KCNH5: variants seen among roughly 807,000 people sequenced by gnomAD.
KCNH5 encodes the protein potassium voltage-gated channel subfamily H member 5.
KCNH5 carries 46 observed loss-of-function variants against 96.1 expected under a neutral mutation model. The ratio of observed to expected loss-of-function variants is 0.48; its 90% CI spans 0.38 to 0.61. KCNH5 has a LOEUF of 0.61. Ranked by LOEUF, KCNH5 falls within the 20% of genes least tolerant of loss-of-function variation. KCNH5 has a pLI of 0.00. For synonymous variants in KCNH5, 439 were observed against 449.8 expected, an observed-to-expected ratio of 0.98 and a Z score of 0.30; for missense variants, 907 against 1,225.8, an observed-to-expected ratio of 0.74 and a Z score of 3.88.
chr14:62,768,453 G>C (rs1356200714), intron 10 of KCNH5, among the ~76,000 whole-genome samples: 1 of 152,066 alleles, frequency 6.6e-6, no homozygotes, highest in Non-Finnish European at 1.5e-5. Context: ...AATATTAATG[G>C]CTGAGAATTC....
In KCNH5 at chr14:62,707,524, T is replaced by C; in HGVS notation, c.2951A>G (p.Asp984Gly). 1 of 1,447,254 alleles carries C rather than the reference T, an allele frequency of 6.9e-7. No individual in the cohort carries two copies. The highest frequency in any genetic ancestry group is 9.1e-7 in the Non-Finnish European group (1 of 1,094,644). The allele number at this position is 1,447,254 out of a possible 1,614,324, so 89.7% of individuals were successfully genotyped here. The change falls in exon 11 of 11, where the codon GAT (aspartate) becomes GGT (glycine). Residue 984 changes from aspartate to glycine, a missense_variant. Around this residue, in one of 6 missense-constraint regions of KCNH5, gnomAD observed 362 missense variants for 394.4 expected, o/e 0.92. Coordinates refer to ENST00000322893, the MANE Select transcript of KCNH5 (RefSeq NM_139318.5). ...SRPESPESDK[D>G]EIHF The stretch of plus-strand genomic sequence containing the variant: ...GTATATATATTAAAAGTGGATTTCA[T>C]CTTTGTCAGATTCAGGTGATTCAGG...
rs985060968 is a variant in KCNH5 at position 62,799,740 on chromosome 14, C to A, written c.1822+2589G>T. Among the ~76,000 whole-genome samples, 3 of 128,896 alleles carry A rather than the reference C, an allele frequency of 2.3e-5. No individual in the cohort carries two copies. The East Asian group carries it at 6.8e-4, about 29-fold the overall frequency. 84.6% of individuals were successfully genotyped at this position (128,896 alleles called of 152,430 possible). A position where few individuals can be genotyped will look rare whatever the true frequency, so the allele number is the denominator to read the frequency against. On this transcript the variant is annotated intron_variant, in intron 9 of 10. Transcript: ENST00000322893. The stretch of plus-strand genomic sequence containing the variant: ...ATATATATATATACACACACACACA[C>A]ACACATATCAGGGTGTGAAGGGATT...
At chr14:63,030,349 G>T (rs1891601977) in intron 1 of KCNH5, among the ~76,000 whole-genome samples, 1 of 152,158 alleles carries the variant, frequency 6.6e-6, no homozygotes, top group Non-Finnish European at 1.5e-5. Context: ...GCAGATTCTG[G>T]AATGCATCCA....
chr14:62,963,767 C>T (rs1890256105), intron 6 of KCNH5, among the ~76,000 whole-genome samples: 1 of 152,048 alleles, frequency 6.6e-6, no homozygotes, highest in Admixed American at 6.6e-5. Context: ...CTGAATACCC[C>T]AAGGTCCAGT....
chr14:62,782,270 T>C (rs1005437338), intron 9 of KCNH5, among the ~76,000 whole-genome samples: 1 of 152,136 alleles, frequency 6.6e-6, no homozygotes, highest in Non-Finnish European at 1.5e-5. Context: ...GAGAGAAACA[T>C]AGGGCTTGAT....
intron 10 of KCNH5, among the ~76,000 whole-genome samples, chr14:62,734,531 A>G (rs1324450005): frequency 1.3e-5 from 2 of 152,084 alleles, no homozygotes; most frequent in South Asian, 2.1e-4. Flanking sequence ...TGTTTCAGGG[A>G]AAGCACCATC....
chr14:62,736,002 G>T (rs887095032), intron 10 of KCNH5, among the ~76,000 whole-genome samples: 1 of 152,208 alleles, frequency 6.6e-6, no homozygotes, highest in African/African-American at 2.4e-5. Context: ...CTCTAGAGCT[G>T]TCAGAGAGAC....
chr14:62,924,646 A>T (rs2355750), intron 7 of KCNH5, among the ~76,000 whole-genome samples: 1 of 151,958 alleles, frequency 6.6e-6, no homozygotes, highest in Non-Finnish European at 1.5e-5. Context: ...AAAAAAAGAA[A>T]ATCCTGCTGC....
At position 62,701,773 on chromosome 14, in the gene KCNH5, T is replaced by C. The variant is rs1188785749; in HGVS notation, c.*5735A>G. ...AACAAATAAATCACATTCAGAAAATTAACATTTTTTCATTAGAGAAAATTA... is the reference window on the plus strand; with the variant it reads ...AACAAATAAATCACATTCAGAAAATCAACATTTTTTCATTAGAGAAAATTA... On this transcript the variant is annotated 3_prime_UTR_variant, in exon 11 of 11. Transcript: ENST00000322893. 6.6e-6 allele frequency: 1 copy of C among 152,072 alleles called. No homozygotes were observed. The highest frequency in any genetic ancestry group is 2.4e-5 in the African/African-American group (1 of 41,422). The allele number at this position is 152,072 out of a possible 1,614,324, so 9.4% of individuals were successfully genotyped here.
At chr14:62,812,439 T>C (rs1198926601) in intron 8 of KCNH5, among the ~76,000 whole-genome samples, 3 of 152,172 alleles carry the variant, frequency 2.0e-5, no homozygotes, top group African/African-American at 7.2e-5. Context: ...GAGGAAGACA[T>C]CTTATTTGAA....
chr14:62,723,727 T>C (rs1186225784), intron 10 of KCNH5, among the ~76,000 whole-genome samples: 2 of 152,210 alleles, frequency 1.3e-5, no homozygotes, highest in Non-Finnish European at 2.9e-5. Flanking sequence ...CCAAGCCACT[T>C]TGACCTTCTA....
At chr14:62,956,964 T>C (rs536018565) in intron 6 of KCNH5, among the ~76,000 whole-genome samples, 1 of 152,200 alleles carries the variant, frequency 6.6e-6, no homozygotes, top group Non-Finnish European at 1.5e-5. Flanking sequence ...TCTGCCTCTA[T>C]CCCAGCCTCT....
chr14:62,831,124 T>G (rs1005475029), intron 8 of KCNH5, among the ~76,000 whole-genome samples: 1 of 152,160 alleles, frequency 6.6e-6, no homozygotes, highest in Non-Finnish European at 1.5e-5. Flanking sequence ...AGGATTCTTT[T>G]TTCTGCTAGT....
intron 10 of KCNH5, among the ~76,000 whole-genome samples, chr14:62,743,295 T>C (rs1469304930): frequency 6.6e-6 from 1 of 152,206 alleles, no homozygotes; most frequent in African/African-American, 2.4e-5. Context: ...TATCTCTTTT[T>C]CTAAGTTCCC....
chr14:62,939,165 C>T (rs1324608388), intron 7 of KCNH5, among the ~76,000 whole-genome samples: 1 of 152,182 alleles, frequency 6.6e-6, no homozygotes, highest in African/African-American at 2.4e-5. Context: ...CTTCTGACTT[C>T]CTCTCTCAGT....
At chr14:62,889,269 A>T (rs1016999777) in intron 7 of KCNH5, among the ~76,000 whole-genome samples, 5 of 152,224 alleles carry the variant, frequency 3.3e-5, no homozygotes, top group African/African-American at 1.2e-4. Context: ...AGAGTCAGCT[A>T]CCTGCCAGAC....
At chr14:63,030,573 G>A (rs1295452601) in intron 1 of KCNH5, among the ~76,000 whole-genome samples, 1 of 152,178 alleles carries the variant, frequency 6.6e-6, no homozygotes, top group Non-Finnish European at 1.5e-5. Flanking sequence ...AAAGTTGAGG[G>A]AGATTGGAGG....
At chr14:62,835,075 CA>C (rs1367862371) in intron 8 of KCNH5, among the ~76,000 whole-genome samples, 1 of 151,972 alleles carries the variant, frequency 6.6e-6, no homozygotes. Flanking sequence ...AATCTTTAGA[CA>C]AATGTGTTTA....
At chr14:62,792,006 T>G (rs6573461) in intron 9 of KCNH5, among the ~76,000 whole-genome samples, 55,225 of 151,322 alleles carry the variant, frequency 0.36, 10,485 homozygotes, top group South Asian at 0.58. Flanking sequence ...TATTCATTTA[T>G]AGATGAATAA....
Sources: allele counts gnomAD v4.1 joint callset (sites outside exome capture counted in the v4.1 genomes callset), GRCh38; gene constraint gnomAD v4.1.1; regional missense constraint gnomAD v4.1.1; transcripts MANE v1.5; gene names NCBI Gene and HGNC (gene_info 2026-07-23, HGNC 2026-07-21).